Variants in BAIAP2L1 observed in about 807,000 individuals in gnomAD.
BAIAP2L1 encodes the protein BAR/IMD domain-containing adapter protein 2-like 1.
In BAIAP2L1, 35 loss-of-function variants were observed where a neutral mutation model predicts 66.3. The observed-to-expected ratio is 0.53, with a 90% CI of 0.40 to 0.70. BAIAP2L1 has a LOEUF of 0.70. BAIAP2L1 is among the 30% of genes least tolerant of loss of function. The pLI, the probability that BAIAP2L1 is intolerant of heterozygous loss-of-function variation, is 0.00. For synonymous variants in BAIAP2L1, 269 were observed against 248.7 expected (o/e 1.08, Z -0.77); for missense variants, 622 against 656.9 (o/e 0.95, Z 0.58).
chr7:98,367,058 A>ATTT (rs71292948), intron 1 of BAIAP2L1, among the ~76,000 whole-genome samples: 310 of 144,510 alleles, frequency 2.1e-3, no homozygotes, highest in Middle Eastern at 3.5e-3. Flanking sequence ...AGGTAATTAA[A>ATTT]TTTTTTTTTT....
rs535783342 is a variant in BAIAP2L1 at position 98,392,850 on chromosome 7, T to C, written c.51+7952A>G. 3.3e-4 allele frequency among the ~76,000 whole-genome samples: 46 copies of C among 141,260 alleles called. No homozygotes were observed. In the East Asian group the frequency reaches 9.2e-3, roughly 28 times the overall value. The allele number at this position is 141,260 out of a possible 152,430, so 92.7% of individuals were successfully genotyped here. A position where few individuals can be genotyped will look rare whatever the true frequency, so the allele number is the denominator to read the frequency against. Reference sequence around the variant, plus strand: ...TGCTGCCACCCAGGCTGGAGTACAGTGGTGCAGTCTCAGCTCACTGCAACC... The same window carrying C: ...TGCTGCCACCCAGGCTGGAGTACAGCGGTGCAGTCTCAGCTCACTGCAACC... On this transcript the variant is annotated intron_variant, in intron 1 of 13. Transcript: ENST00000005260.
rs1388923492 is a variant in BAIAP2L1 at position 98,361,738 on chromosome 7, C to CT, written c.127+618dup. Among the ~76,000 whole-genome samples the CT allele has an allele frequency of 3.3e-5, 5 of 152,026 alleles. No individual in the cohort carries two copies. The East Asian group carries it at 5.8e-4, about 18-fold the overall frequency. On this transcript the variant is annotated intron_variant, in intron 2 of 13. Transcript: ENST00000005260. ...CCATTCAGGCTAAAAAAAATTTCTT[C>CT]TTTTTTTTCTTTTTTGAGACAGACC...
chr7:98,305,056 T>TTG (rs1554410679), intron 11 of BAIAP2L1, among the ~76,000 whole-genome samples: 1 of 141,694 alleles, frequency 7.1e-6, no homozygotes, highest in Admixed American at 6.9e-5. Context: ...TGTTTTTTTT[T>TTG]TTTTTTTTTT....
At chr7:98,362,284 A>G (rs372584377) in intron 2 of BAIAP2L1, 73 bp downstream of exon 2, 892 of 1,192,948 alleles carry the variant, frequency 7.5e-4, no homozygotes, top group Admixed American at 1.8e-3. Context: ...AAAATTCAAT[A>G]CTAAGCATTT....
At chr7:98,385,429 TTTTTC>T (rs1185490769) in intron 1 of BAIAP2L1, among the ~76,000 whole-genome samples, 8 of 152,118 alleles carry the variant, frequency 5.3e-5, no homozygotes, top group Admixed American at 4.6e-4. Flanking sequence ...AAATCATTTC[TTTTTC>T]TTTTGAGACA....
chr7:98,350,370 G>T (rs989904807), intron 3 of BAIAP2L1, among the ~76,000 whole-genome samples: 1 of 151,472 alleles, frequency 6.6e-6, no homozygotes, highest in African/African-American at 2.4e-5. Flanking sequence ...AAACAAAACA[G>T]CAGAAGGCTG....
At chr7:98,300,265 CCT>C (rs1800366125) in intron 12 of BAIAP2L1, among the ~76,000 whole-genome samples, 1 of 152,132 alleles carries the variant, frequency 6.6e-6, no homozygotes, top group Non-Finnish European at 1.5e-5. Flanking sequence ...AGCCATTCCC[CCT>C]GCTCCCTGCT....
intron 3 of BAIAP2L1, among the ~76,000 whole-genome samples, chr7:98,350,723 C>G (rs571160761): frequency 1.3e-5 from 2 of 152,156 alleles, no homozygotes; most frequent in Admixed American, 6.6e-5. Context: ...CCTAAGGCCC[C>G]CTACCCCACA....
Position 98,292,844 on chromosome 7 carries a change from A to T in BAIAP2L1, c.*677T>A, listed in dbSNP as rs1800026929. On this transcript the variant is annotated 3_prime_UTR_variant, in exon 14 of 14. Transcript: ENST00000005260. ...GCCGTGTGCAGCGAATCCGTTGGCG[A>T]CTCCTAACTACCAAGAAAAGGAGCT... The T allele has an allele frequency of 6.9e-7, 1 of 1,443,854 alleles. No homozygotes were observed. Among genetic ancestry groups the T allele is most frequent in the African/African-American group, 1.4e-5 (1 of 69,126 alleles). 89.4% of individuals were successfully genotyped at this position (1,443,854 alleles called of 1,614,324 possible).
chr7:98,312,361 C>T, intron 7 of BAIAP2L1, 97 bp from the exon 8 acceptor site: 1 of 1,357,800 alleles, frequency 7.4e-7, no homozygotes. Context: ...AGATTACTGG[C>T]TTAGCACCAG....
intron 1 of BAIAP2L1, among the ~76,000 whole-genome samples, chr7:98,394,112 A>G (rs1239604690): frequency 3.3e-5 from 5 of 151,932 alleles, no homozygotes; most frequent in Non-Finnish European, 5.9e-5. Flanking sequence ...GCGTGGTGGC[A>G]GGCGCCTGTA....
At chr7:98,369,663 ATTTTTTTTTTTTTT>A (rs71112146) in intron 1 of BAIAP2L1, among the ~76,000 whole-genome samples, 2 of 103,850 alleles carry the variant, frequency 1.9e-5, no homozygotes, top group African/African-American at 8.1e-5. Context: ...TGATTTCCTA[ATTTTTTTTTTTTTT>A]TTTTTTTTTT....
chr7:98,320,377 C>G, intron 3 of BAIAP2L1, 79 bp from the exon 4 acceptor site: 1 of 1,175,656 alleles, frequency 8.5e-7, no homozygotes, highest in Non-Finnish European at 1.2e-6. Flanking sequence ...GCTCTGTCGC[C>G]CAGGCTGGAG....
chr7:98,297,257 G>A (rs1239069408), intron 12 of BAIAP2L1, among the ~76,000 whole-genome samples: 3 of 152,198 alleles, frequency 2.0e-5, no homozygotes, highest in Admixed American at 2.0e-4. Context: ...CCCATCACTC[G>A]ATGCCTGGTC....
intron 6 of BAIAP2L1, among the ~76,000 whole-genome samples, chr7:98,316,855 T>C (rs949307173): frequency 1.3e-5 from 2 of 151,654 alleles, no homozygotes; most frequent in Admixed American, 1.3e-4. Context: ...TTCCATGAGA[T>C]CAACTTCAAA....
Position 98,293,881 on chromosome 7 carries a change from G to A in BAIAP2L1, c.1460+193C>T, listed in dbSNP as rs543255385. 2.0e-5 allele frequency among the ~76,000 whole-genome samples: 3 copies of A among 152,338 alleles called. No individual in the cohort carries two copies. The South Asian group carries it at 6.2e-4, about 32-fold the overall frequency. ...TGTGACATGGGGGTCACTCTGGGGT[G>A]GGGAAGCCCTGCTCCCAGCGTGGTC... On this transcript the variant is annotated intron_variant, in intron 13 of 13. Coordinates refer to ENST00000005260, the MANE Select transcript of BAIAP2L1 (RefSeq NM_018842.5).
At chr7:98,370,219 A>G (rs1802480262) in intron 1 of BAIAP2L1, among the ~76,000 whole-genome samples, 1 of 151,912 alleles carries the variant, frequency 6.6e-6, no homozygotes, top group South Asian at 2.1e-4. Context: ...TACTAAAAAC[A>G]CAAAAATTAG....
intron 3 of BAIAP2L1, among the ~76,000 whole-genome samples, chr7:98,321,275 A>G (rs1458473151): frequency 2.6e-5 from 4 of 152,260 alleles, no homozygotes; most frequent in Admixed American, 2.6e-4. Flanking sequence ...AACTCTAGGA[A>G]TAAAAAATGA....
chr7:98,342,736 A>G (rs1405025642), intron 3 of BAIAP2L1, among the ~76,000 whole-genome samples: 1 of 152,176 alleles, frequency 6.6e-6, no homozygotes. Flanking sequence ...TCTCTGCTTT[A>G]AGGATGAAAA....
Sources: allele counts gnomAD v4.1 joint callset (sites outside exome capture counted in the v4.1 genomes callset), GRCh38; gene constraint gnomAD v4.1.1; transcripts MANE v1.5; gene names NCBI Gene and HGNC (gene_info 2026-07-23, HGNC 2026-07-21).